Variants in ATP8A2 observed in about 807,000 individuals in gnomAD.
The protein encoded by ATP8A2 is phospholipid-transporting ATPase IB.
ATP8A2 carries 100 observed loss-of-function variants against 165.6 expected under a neutral mutation model. The ratio of observed to expected loss-of-function variants is 0.60; its 90% CI spans 0.51 to 0.71. The LOEUF is 0.71. Ranked by LOEUF, ATP8A2 falls within the 30% of genes least tolerant of loss-of-function variation. The pLI is 0.00. For synonymous variants in ATP8A2, 543 were observed against 548.8 expected, an observed-to-expected ratio of 0.99 and a Z score of 0.15; for missense variants, 1,227 against 1,479.5, an observed-to-expected ratio of 0.83 and a Z score of 2.80.
chr13:25,739,401 G>C (rs1047884349), intron 25 of ATP8A2, among the ~76,000 whole-genome samples: 3 of 152,182 alleles, frequency 2.0e-5, no homozygotes, highest in Non-Finnish European at 4.4e-5. Context: ...GGAGCAGAAA[G>C]GTTTAAAGAA....
rs542953524 is a variant in ATP8A2 at position 25,807,811 on chromosome 13, A to G, written c.2680-20307A>G. 7.9e-5 allele frequency among the ~76,000 whole-genome samples: 12 copies of G among 152,308 alleles called. No homozygotes were observed. In the East Asian group the frequency reaches 2.3e-3, roughly 29 times the overall value. On this transcript the variant is annotated intron_variant, in intron 27 of 36. Coordinates refer to ENST00000381655, the MANE Select transcript of ATP8A2 (RefSeq NM_016529.6). ...CCTGTGCACTCGAGAAGCCAGAAGT[A>G]ACACTGCAAAGCACAATAACCCCTA...
At chr13:25,411,162 A>C (rs1309849830) in intron 1 of ATP8A2, among the ~76,000 whole-genome samples, 1 of 152,212 alleles carries the variant, frequency 6.6e-6, no homozygotes, top group Non-Finnish European at 1.5e-5. Flanking sequence ...TTCTTTTAAA[A>C]CTAGCTCTAT....
chr13:25,866,727 A>G (rs1480928679), intron 33 of ATP8A2, among the ~76,000 whole-genome samples: 2 of 152,244 alleles, frequency 1.3e-5, no homozygotes, highest in Non-Finnish European at 2.9e-5. Flanking sequence ...TGTGAGCTTC[A>G]GTAAATCTCC....
Position 25,390,717 on chromosome 13 carries a change from G to A in ATP8A2, c.76+18429G>A, listed in dbSNP as rs192009516. ...GGCCAAGCTGGGTGGATCATTTGAG[G>A]TCAGGAGTTCGAGACCAGCCAGGCC... On this transcript the variant is annotated intron_variant, in intron 1 of 36. Coordinates refer to ENST00000381655, the MANE Select transcript of ATP8A2 (RefSeq NM_016529.6). Among the ~76,000 whole-genome samples, 615 of 152,230 alleles carry A rather than the reference G, an allele frequency of 4.0e-3. 1 individual carries two copies. The highest frequency in any genetic ancestry group is 6.8e-3 in the Middle Eastern group (2 of 294).
At chr13:25,889,917 C>T (rs1953304328) in intron 33 of ATP8A2, among the ~76,000 whole-genome samples, 1 of 152,106 alleles carries the variant, frequency 6.6e-6, no homozygotes, top group African/African-American at 2.4e-5. Context: ...AATCCCAGCA[C>T]TTTGGAAGGC....
chr13:25,504,974 G>A (rs2036985415), intron 2 of ATP8A2, among the ~76,000 whole-genome samples: 1 of 152,050 alleles, frequency 6.6e-6, no homozygotes, highest in Non-Finnish European at 1.5e-5. Context: ...TTTTTAGTGA[G>A]AATTTACAGT....
At chr13:25,843,396 A>T (rs977504347) in intron 30 of ATP8A2, among the ~76,000 whole-genome samples, 5 of 152,142 alleles carry the variant, frequency 3.3e-5, no homozygotes, top group African/African-American at 1.2e-4. Context: ...CCCCCGCCCA[A>T]TTCATATGTC....
chr13:26,014,814 A>C (rs1328445998), intron 36 of ATP8A2, among the ~76,000 whole-genome samples: 2 of 152,156 alleles, frequency 1.3e-5, no homozygotes, highest in Admixed American at 1.3e-4. Context: ...ATTTCTCTAA[A>C]TTTTTATTTT....
intron 35 of ATP8A2, 44 bp from the exon 36 acceptor site, chr13:26,012,487 A>AGT: frequency 6.8e-7 from 1 of 1,461,710 alleles, no homozygotes; most frequent in Non-Finnish European, 9.3e-7. Flanking sequence ...GTGCAACCCG[A>AGT]GTGTTCAGGT....
chr13:25,871,701 G>A (rs1952682534), intron 33 of ATP8A2, among the ~76,000 whole-genome samples: 1 of 152,156 alleles, frequency 6.6e-6, no homozygotes, highest in African/African-American at 2.4e-5. Flanking sequence ...CATCATCATT[G>A]TAACATATCG....
At chr13:25,414,780 G>A (rs1280009413) in intron 1 of ATP8A2, among the ~76,000 whole-genome samples, 1 of 152,202 alleles carries the variant, frequency 6.6e-6, no homozygotes, top group Non-Finnish European at 1.5e-5. Flanking sequence ...CCAAGTTGTG[G>A]TTAATTACCT....
rs188582870 is a variant in ATP8A2, at chr13:25,664,580, C to T, written c.2212-34593C>T. Among the ~76,000 whole-genome samples, 762 of 152,248 alleles carry T rather than the reference C, an allele frequency of 5.0e-3. 8 individuals carry two copies. Among genetic ancestry groups the T allele is most frequent in the African/African-American group, 0.018 (728 of 41,556 alleles). On this transcript the variant is annotated intron_variant, in intron 24 of 36. Coordinates refer to ENST00000381655, the MANE Select transcript of ATP8A2 (RefSeq NM_016529.6). ...TCAAGCCAGAGAGAGCAGTTGCCAG[C>T]GGGCAGTGGTTACTGGAGCTGGAAT... is the stretch of plus-strand genomic sequence containing the variant.
chr13:25,541,365 A>T (rs2038471394), intron 8 of ATP8A2, among the ~76,000 whole-genome samples: 1 of 152,088 alleles, frequency 6.6e-6, no homozygotes, highest in Admixed American at 6.5e-5. Context: ...TCTACAAAAA[A>T]CTTAAAAAAT....
chr13:25,896,403 T>C (rs1953548493), intron 33 of ATP8A2, among the ~76,000 whole-genome samples: 1 of 152,202 alleles, frequency 6.6e-6, no homozygotes, highest in Non-Finnish European at 1.5e-5. Flanking sequence ...AGAGACAGTT[T>C]GTTATAATTT....
chr13:25,503,610 A>T, intron 2 of ATP8A2, among the ~76,000 whole-genome samples: 1 of 152,228 alleles, frequency 6.6e-6, no homozygotes, highest in African/African-American at 2.4e-5. Context: ...TGGAAGGAGT[A>T]AGATGTTGGA....
intron 33 of ATP8A2, among the ~76,000 whole-genome samples, chr13:25,913,709 G>T (rs1409459064): frequency 1.3e-5 from 2 of 152,178 alleles, no homozygotes; most frequent in African/African-American, 4.8e-5. Flanking sequence ...TTAGGTTAAT[G>T]TGAATCAAAT....
At chr13:25,454,758 C>T (rs925431796) in intron 1 of ATP8A2, among the ~76,000 whole-genome samples, 3 of 152,094 alleles carry the variant, frequency 2.0e-5, no homozygotes, top group Non-Finnish European at 4.4e-5. Context: ...CCCGTCTCTA[C>T]TAAAAATACA....
At chr13:25,520,436 G>A (rs1338649407) in intron 2 of ATP8A2, among the ~76,000 whole-genome samples, 2 of 152,090 alleles carry the variant, frequency 1.3e-5, no homozygotes, top group African/African-American at 4.8e-5. Context: ...TGGCCACTTA[G>A]GTTGATTCTA....
chr13:25,573,264 G>C (rs1321363876), intron 18 of ATP8A2, among the ~76,000 whole-genome samples: 1 of 152,168 alleles, frequency 6.6e-6, no homozygotes, highest in South Asian at 2.1e-4. Flanking sequence ...TCATAGGTGA[G>C]AGAGACAGAA....
Sources: gnomAD v4.1 joint callset for allele counts (sites outside exome capture counted in the v4.1 genomes callset) on GRCh38, gnomAD v4.1.1 for gene constraint, MANE v1.5 for transcripts, NCBI Gene and HGNC (gene_info 2026-07-23, HGNC 2026-07-21) for gene names.